The following CCDC144A variants were observed in gnomAD, a reference collection of about 807,000 sequenced individuals.
CCDC144A encodes the protein coiled-coil domain containing 144A.
CCDC144A carries 41 observed loss-of-function variants against 143.8 expected under a neutral mutation model. The ratio of observed to expected loss-of-function variants is 0.29; its 90% CI spans 0.22 to 0.37. The LOEUF (loss-of-function observed/expected upper bound fraction) is 0.37. Among genes scored for constraint, CCDC144A ranks in the 10% least tolerant of loss-of-function variants. The pLI is 1.00. For missense variants in CCDC144A, 637 were observed against 1,488.8 expected (o/e 0.43, Z 9.41); for synonymous variants, 242 against 517.9 (o/e 0.47, Z 7.23).
At chr17:16,676,019 A>T in the CCDC144A span, among the ~76,000 whole-genome samples, 1 of 151,890 alleles carries the variant, frequency 6.6e-6, no homozygotes. Flanking sequence ...AAGTGCTGGG[A>T]TTACAGGCAT....
chr17:16,693,323 T>TG (rs1001717334), intron 2 of CCDC144A, among the ~76,000 whole-genome samples: 1 of 145,652 alleles, frequency 6.9e-6, no homozygotes, highest in African/African-American at 2.8e-5. Context: ...AGTGTTTTTT[T>TG]TTGTTTTTTT....
At chr17:16,761,913 A>T (rs1160984393) in intron 13 of CCDC144A, among the ~76,000 whole-genome samples, 195 bp downstream of exon 13, 1 of 152,244 alleles carries the variant, frequency 6.6e-6, no homozygotes, top group Non-Finnish European at 1.5e-5. Context: ...ATCTTCCATA[A>T]GAATAATTCT....
intron 1 of CCDC144A, 58 bp downstream of exon 1, chr17:16,690,802 G>T: frequency 6.6e-7 from 1 of 1,523,432 alleles, no homozygotes; most frequent in Non-Finnish European, 8.9e-7. Context: ...TCTGGTGCCC[G>T]CAGGCCCCAC....
chr17:16,732,792 C>T lies in CCDC144A; in HGVS notation c.2418+126C>T, dbSNP rs565683902. 2.3e-4 allele frequency: 163 copies of T among 711,792 alleles called. 1 individual carries two copies. The South Asian group carries it at 2.4e-3, about 11-fold the overall frequency. 44.1% of individuals were successfully genotyped at this position (711,792 alleles called of 1,614,324 possible). On this transcript the variant is annotated intron_variant, in intron 11 of 16. Coordinates refer to ENST00000399273, the MANE Select transcript of CCDC144A (RefSeq NM_001382000.1). ...ACACACACACACACACACACACACA[C>T]ACATTTGGGGGTGGTGATGGTGGTT...
At chr17:16,750,553 G>C (rs1016629554) in intron 12 of CCDC144A, among the ~76,000 whole-genome samples, 6 of 151,418 alleles carry the variant, frequency 4.0e-5, no homozygotes, top group African/African-American at 1.5e-4. Context: ...GGTTGTAGAG[G>C]TTCTCTGAAT....
chr17:16,678,075 T>C, the CCDC144A span, among the ~76,000 whole-genome samples: 1 of 152,060 alleles, frequency 6.6e-6, no homozygotes, highest in Admixed American at 6.6e-5. Flanking sequence ...TAATGGCTAC[T>C]ATGCTTTAAA....
chr17:16,696,076 G>A (rs1374673482), intron 2 of CCDC144A, among the ~76,000 whole-genome samples: 2 of 152,142 alleles, frequency 1.3e-5, no homozygotes, highest in Non-Finnish European at 2.9e-5. Context: ...GTGCAGTGGC[G>A]TTCTCTTGGC....
chr17:16,676,814 C>G, the CCDC144A span, among the ~76,000 whole-genome samples: 2 of 152,124 alleles, frequency 1.3e-5, no homozygotes, highest in Non-Finnish European at 2.9e-5. Flanking sequence ...TTCCCCCTCA[C>G]TGTTCTGTGA....
chr17:16,726,359 C>T (rs981405664), intron 8 of CCDC144A, among the ~76,000 whole-genome samples: 2 of 138,632 alleles, frequency 1.4e-5, no homozygotes, highest in South Asian at 2.3e-4. Context: ...CCAGCCTGGG[C>T]GACACAGCGA....
At chr17:16,729,991 T>TATATATATATATATATATATACACAC (rs1491438660) in intron 9 of CCDC144A, among the ~76,000 whole-genome samples, 3 of 114,890 alleles carry the variant, frequency 2.6e-5, no homozygotes, top group African/African-American at 6.6e-5. Flanking sequence ...TATATATATA[T>TATATATATATATATATATATACACAC]ACACACATAC....
In CCDC144A at chr17:16,711,742, G is replaced by A. The variant is rs532746239; in HGVS notation, c.1642G>A (p.Gly548Ser). The A allele has an allele frequency of 1.6e-5, 26 of 1,591,780 alleles. No individual in the cohort carries two copies. The African/African-American group carries it at 3.4e-4, about 21-fold the overall frequency. ...STELSGTLTD[G>S]TTVGNDDDGL... ...AGAATTATCAGGAACCCTAACTGATGGTACTACTGTTGGCAATGATGATGA... is the reference window on the plus strand; with the variant it reads ...AGAATTATCAGGAACCCTAACTGATAGTACTACTGTTGGCAATGATGATGA... Residue 548 changes from glycine to serine, a missense_variant, in exon 6 of 17, where the codon GGT (glycine) becomes AGT (serine). Physicochemically the swap from Gly to Ser is moderately conservative, Grantham distance 56 (BLOSUM62 0). Transcript: ENST00000399273.
At chr17:16,720,764 G>A (rs748239188) in intron 8 of CCDC144A, 106 bp downstream of exon 8, 6 of 1,542,258 alleles carry the variant, frequency 3.9e-6, no homozygotes, top group East Asian at 4.5e-5. Context: ...TCAGAAATAC[G>A]CTCAGTGTTA....
intron 12 of CCDC144A, chr17:16,737,806 A>G (rs1231500960): frequency 6.2e-6 from 2 of 322,698 alleles, no homozygotes; most frequent in Non-Finnish European, 1.1e-5. Flanking sequence ...TTACAATTTA[A>G]TTATCTTTAT....
rs1419875353 is a variant in CCDC144A, at chr17:16,709,573, G to T, written c.1516G>T (p.Val506Phe). The change falls in exon 5 of 17, where the codon GTC becomes TTC. Residue 506 changes from valine (V) to phenylalanine (F), a missense_variant. By Grantham distance (50) the Val-to-Phe change is conservative (BLOSUM62 -1). Coordinates refer to ENST00000399273, the MANE Select transcript of CCDC144A (RefSeq NM_001382000.1). The part of the protein sequence containing the change: ...QQDMQKFKNE[V>F]NTLEEEFLAL... ...AGACATGCAAAAGTTTAAGAATGAG[G>T]TCAACACATTAGAAGAAGAGTTCCT... The T allele has an allele frequency of 1.9e-6, 3 of 1,611,598 alleles. No individual in the cohort carries two copies. In the South Asian group the frequency reaches 3.3e-5, roughly 18 times the overall value.
chr17:16,726,613 ACT>A (rs1322692021), intron 8 of CCDC144A, among the ~76,000 whole-genome samples: 1 of 151,468 alleles, frequency 6.6e-6, no homozygotes, highest in East Asian at 1.9e-4. Context: ...GGGAATGGAC[ACT>A]CTTTTTGGCA....
the CCDC144A span, among the ~76,000 whole-genome samples, chr17:16,680,379 G>T: frequency 6.6e-6 from 1 of 152,042 alleles, no homozygotes; most frequent in Non-Finnish European, 1.5e-5. Flanking sequence ...AGAAGGTAAA[G>T]TGTTGAGGCT....
chr17:16,716,392 G>T, intron 6 of CCDC144A, among the ~76,000 whole-genome samples: 1 of 150,502 alleles, frequency 6.6e-6, no homozygotes. Context: ...ATCTTTTTTT[G>T]TTCACTTTCT....
At chr17:16,694,337 T>C (rs936125003) in intron 2 of CCDC144A, among the ~76,000 whole-genome samples, 5 of 152,102 alleles carry the variant, frequency 3.3e-5, no homozygotes, top group Non-Finnish European at 7.4e-5. Flanking sequence ...TCCCAGCAAG[T>C]TGGGAGGCCT....
At chr17:16,689,908 T>A (rs1171981844), upstream of CCDC144A, 2 of 152,810 alleles carry the variant, frequency 1.3e-5, no homozygotes, top group Admixed American at 6.5e-5. Context: ...TAGGAGCAGG[T>A]GCGCCGGCGG....
Sources: gnomAD v4.1 joint callset for allele counts (sites outside exome capture counted in the v4.1 genomes callset) on GRCh38, gnomAD v4.1.1 for gene constraint, MANE v1.5 for transcripts, NCBI Gene and HGNC (gene_info 2026-07-23, HGNC 2026-07-21) for gene names.